The following NEK1 variants were observed in gnomAD, a reference collection of about 807,000 sequenced individuals.
NEK1 encodes the protein serine/threonine-protein kinase Nek1.
NEK1 carries 137 observed loss-of-function variants against 182.1 expected under a neutral mutation model. That is an observed-to-expected ratio of 0.75 (90% CI 0.65 to 0.87). The LOEUF (loss-of-function observed/expected upper bound fraction) is 0.87. Among genes scored for constraint, NEK1 ranks in the 40% least tolerant of loss-of-function variants. NEK1 has a pLI of 0.00. For missense variants in NEK1, 1,391 were observed against 1,494.4 expected (o/e 0.93, Z 1.14); for synonymous variants, 513 against 492.2 (o/e 1.04, Z -0.56).
chr4:169,472,038 C>T (rs572832887), intron 26 of NEK1, among the ~76,000 whole-genome samples: 20 of 152,212 alleles, frequency 1.3e-4, no homozygotes, highest in African/African-American at 3.4e-4. Flanking sequence ...TGGATCTTAG[C>T]TTGTGGGGCT....
chr4:169,570,604 G>A (rs1764636958), intron 12 of NEK1, among the ~76,000 whole-genome samples: 1 of 151,428 alleles, frequency 6.6e-6, no homozygotes, highest in Admixed American at 6.6e-5. Context: ...GAGGTGAGGG[G>A]TGCCTCTGCC....
rs550120568 is a variant in NEK1, at chr4:169,471,695, A to G, written c.2434+5429T>C. 3.3e-5 allele frequency among the ~76,000 whole-genome samples: 5 copies of G among 152,240 alleles called. No individual in the cohort carries two copies. In the East Asian group the frequency reaches 9.7e-4, roughly 29 times the overall value. Reference sequence around the variant, plus strand: ...CCTCTCTTCAGAGCCAGCAGGCAGGAAAGTTTAAGTCTGTTGAAGCTGTGC... The same window carrying G: ...CCTCTCTTCAGAGCCAGCAGGCAGGGAAGTTTAAGTCTGTTGAAGCTGTGC... On this transcript the variant is annotated intron_variant, in intron 26 of 35. Coordinates refer to ENST00000507142, the MANE Select transcript of NEK1 (RefSeq NM_001199397.3).
At chr4:169,580,700 CATT>C (rs1347486300) in intron 11 of NEK1, 139 bp downstream of exon 11, 6 of 582,100 alleles carry the variant, frequency 1.0e-5, no homozygotes, top group Non-Finnish European at 1.8e-5. Flanking sequence ...TGCCATAAAA[CATT>C]AATAATTCTA....
chr4:169,583,412 A>T (rs1767009072), intron 10 of NEK1, among the ~76,000 whole-genome samples: 1 of 152,260 alleles, frequency 6.6e-6, no homozygotes, highest in African/African-American at 2.4e-5. Context: ...CAGCAGATAA[A>T]GGTTTTCATG....
intron 19 of NEK1, among the ~76,000 whole-genome samples, chr4:169,532,384 T>A (rs1757809696): frequency 1.3e-5 from 2 of 152,188 alleles, no homozygotes; most frequent in South Asian, 4.1e-4. Context: ...TGTATGACAT[T>A]ACAATGGTGA....
At chr4:169,609,223 G>A (rs938159506) in intron 2 of NEK1, among the ~76,000 whole-genome samples, 2 of 152,100 alleles carry the variant, frequency 1.3e-5, no homozygotes, top group African/African-American at 4.8e-5. Flanking sequence ...ACTGTACTGT[G>A]GGGGAATAGC....
chr4:169,527,681 C>T (rs928371881), intron 19 of NEK1, among the ~76,000 whole-genome samples: 3 of 151,898 alleles, frequency 2.0e-5, no homozygotes, highest in Admixed American at 6.6e-5. Flanking sequence ...AAAATCACAA[C>T]AGATTAATTA....
intron 27 of NEK1, among the ~76,000 whole-genome samples, chr4:169,451,546 T>TA (rs1266605809): frequency 2.0e-5 from 3 of 151,866 alleles, no homozygotes; most frequent in African/African-American, 7.3e-5. Context: ...ACTGGGTAAA[T>TA]AAAAAAATGA....
At chr4:169,456,594 T>C (rs753720671) in intron 27 of NEK1, among the ~76,000 whole-genome samples, 3 of 152,226 alleles carry the variant, frequency 2.0e-5, no homozygotes, top group African/African-American at 7.2e-5. Context: ...TGTATTTCAA[T>C]AGATTGGAAA....
At chr4:169,449,032 C>A (rs1347538138) in intron 27 of NEK1, among the ~76,000 whole-genome samples, 2 of 152,254 alleles carry the variant, frequency 1.3e-5, no homozygotes, top group African/African-American at 4.8e-5. Flanking sequence ...AGGTCCCACG[C>A]CCACAGAGCC....
At chr4:169,492,615 T>A (rs1750323412) in intron 23 of NEK1, among the ~76,000 whole-genome samples, 2 of 152,156 alleles carry the variant, frequency 1.3e-5, no homozygotes, top group South Asian at 4.1e-4. Flanking sequence ...CCACCTCTGA[T>A]CCAAACTGAG....
intron 35 of NEK1, among the ~76,000 whole-genome samples, chr4:169,397,226 T>C (rs555260160): frequency 9.7e-4 from 108 of 111,256 alleles, no homozygotes; most frequent in Non-Finnish European, 1.8e-3. Context: ...CCTGTCTCCA[T>C]AGAAAAAAAA....
At chr4:169,562,308 A>G in intron 12 of NEK1, 112 bp from the exon 13 acceptor site, 1 of 649,050 alleles carries the variant, frequency 1.5e-6, no homozygotes, top group Non-Finnish European at 2.6e-6. Flanking sequence ...TACTTCCATA[A>G]CTCTCTTCCA....
intron 24 of NEK1, among the ~76,000 whole-genome samples, chr4:169,478,914 G>T (rs1169014336): frequency 6.6e-6 from 1 of 152,112 alleles, no homozygotes; most frequent in African/African-American, 2.4e-5. Flanking sequence ...GCATGACAGA[G>T]ATTCAGAAGT....
intron 2 of NEK1, among the ~76,000 whole-genome samples, 189 bp from the exon 3 acceptor site, chr4:169,602,867 G>T (rs1379523607): frequency 6.6e-6 from 1 of 151,790 alleles, no homozygotes; most frequent in Non-Finnish European, 1.5e-5. Context: ...CCAAAAAAGA[G>T]AAAAAAATGT....
chr4:169,529,255 C>A (rs1215831468), intron 19 of NEK1, among the ~76,000 whole-genome samples: 1 of 151,762 alleles, frequency 6.6e-6, no homozygotes, highest in Admixed American at 6.6e-5. Context: ...ATCACATGTA[C>A]CCCATAGATA....
chr4:169,420,559 T>C (rs965220462), intron 31 of NEK1, among the ~76,000 whole-genome samples: 4 of 152,168 alleles, frequency 2.6e-5, no homozygotes, highest in Non-Finnish European at 5.9e-5. Flanking sequence ...GAGAGGAATT[T>C]TTCGGTCTAT....
chr4:169,408,559 T>C (rs771163357), intron 31 of NEK1, among the ~76,000 whole-genome samples: 2 of 152,212 alleles, frequency 1.3e-5, no homozygotes, highest in Non-Finnish European at 2.9e-5. Context: ...CTGATATTGG[T>C]GCACGCAACA....
chr4:169,495,953 G>T (rs1561293573), intron 23 of NEK1, among the ~76,000 whole-genome samples: 1 of 152,214 alleles, frequency 6.6e-6, no homozygotes, highest in Admixed American at 6.5e-5. Context: ...GTCATTGGTA[G>T]CTTGATGGGG....
Sources: allele counts gnomAD v4.1 joint callset (sites outside exome capture counted in the v4.1 genomes callset), GRCh38; gene constraint gnomAD v4.1.1; transcripts MANE v1.5; gene names NCBI Gene and HGNC (gene_info 2026-07-23, HGNC 2026-07-21).